KCNH8: variants seen among roughly 807,000 people sequenced by gnomAD.
KCNH8 encodes potassium voltage-gated channel subfamily H member 8.
Under a neutral mutation model 103.6 loss-of-function variants are expected in KCNH8, and 70 were observed. The observed-to-expected ratio is 0.68, with a 90% CI of 0.56 to 0.82. The LOEUF (loss-of-function observed/expected upper bound fraction) is 0.82. KCNH8 is among the 40% of genes least tolerant of loss of function. The pLI is 0.00. For missense variants in KCNH8, 1,217 were observed against 1,329.9 expected, an observed-to-expected ratio of 0.92 and a Z score of 1.32; for synonymous variants, 498 against 489.4, an observed-to-expected ratio of 1.02 and a Z score of -0.23.
intron 7 of KCNH8, among the ~76,000 whole-genome samples, chr3:19,416,997 C>A (rs1051736003): frequency 6.6e-6 from 1 of 151,880 alleles, no homozygotes; most frequent in Non-Finnish European, 1.5e-5. Context: ...GCCTTGCAAC[C>A]GCATGAAACT....
chr3:19,264,940 G>A (rs2064487145), intron 2 of KCNH8, among the ~76,000 whole-genome samples: 1 of 152,070 alleles, frequency 6.6e-6, no homozygotes. Context: ...ACTAAGTCAT[G>A]CTCATGCACC....
At chr3:19,512,877 T>A in intron 12 of KCNH8, 93 bp from the exon 13 acceptor site, 1 of 1,108,918 alleles carries the variant, frequency 9.0e-7, no homozygotes, top group Non-Finnish European at 1.3e-6. Context: ...TCTAAGAGAT[T>A]TGACTTTGTT....
rs1257165199 is a variant in KCNH8 at position 19,450,135 on chromosome 3, G to A, written c.1405G>A (p.Val469Met). ...GATGCACGCCTTGGTGTTTGGAAAC[G>A]TGACAGCAATCATACAGAGGATGTA... is the stretch of plus-strand genomic sequence containing the variant. Reference protein sequence around the residue: ...ALMHALVFGNVTAIIQRMYSR... With the variant: ...ALMHALVFGNMTAIIQRMYSR... Residue 469 changes from valine (V) to methionine (M), a missense_variant, in exon 9 of 16, where the codon GTG becomes ATG. This residue lies in a region of KCNH8 where 415 missense variants were observed against 577.4 expected (regional missense o/e 0.72). Transcript: ENST00000328405. 10 of 1,613,396 alleles carry A rather than the reference G, an allele frequency of 6.2e-6. No homozygotes were observed. Among genetic ancestry groups the A allele is most frequent in the Non-Finnish European group, 7.6e-6 (9 of 1,179,736 alleles).
chr3:19,298,921 C>CAAAA (rs56304109), intron 3 of KCNH8, among the ~76,000 whole-genome samples: 7 of 77,050 alleles, frequency 9.1e-5, no homozygotes, highest in Non-Finnish European at 1.2e-4. Context: ...GACTCCGTCT[C>CAAAA]AAAAAAAAAA....
chr3:19,314,630 G>A (rs563004236), intron 3 of KCNH8, among the ~76,000 whole-genome samples: 66 of 151,968 alleles, frequency 4.3e-4, no homozygotes, highest in African/African-American at 1.5e-3. Flanking sequence ...TAACTCACCC[G>A]CTGCAGCAGG....
At chr3:19,183,827 A>G (rs949547420) in intron 1 of KCNH8, among the ~76,000 whole-genome samples, 3 of 152,198 alleles carry the variant, frequency 2.0e-5, no homozygotes, top group African/African-American at 4.8e-5. Context: ...GTAAGTCAGC[A>G]TAAGAAAGAG....
chr3:19,309,720 A>C (rs887137822), intron 3 of KCNH8, among the ~76,000 whole-genome samples: 4 of 151,936 alleles, frequency 2.6e-5, no homozygotes, highest in Non-Finnish European at 5.9e-5. Flanking sequence ...TTTCAGAAGG[A>C]AAACATTTAG....
chr3:19,513,455 G>C, intron 13 of KCNH8, 130 bp downstream of exon 13: 1 of 1,306,590 alleles, frequency 7.7e-7, no homozygotes, highest in Non-Finnish European at 1.0e-6. Context: ...GCTTTTCTGA[G>C]TTTTGTGGGC....
At chr3:19,243,784 A>G (rs2064171643) in intron 1 of KCNH8, among the ~76,000 whole-genome samples, 1 of 152,178 alleles carries the variant, frequency 6.6e-6, no homozygotes, top group South Asian at 2.1e-4. Flanking sequence ...CTTGAAGTAA[A>G]AAGGCTGTTC....
At chr3:19,500,308 G>C (rs2068550126) in intron 11 of KCNH8, among the ~76,000 whole-genome samples, 1 of 152,126 alleles carries the variant, frequency 6.6e-6, no homozygotes. Context: ...GACCTACAAA[G>C]AGACTTAGAC....
At chr3:19,339,259 T>A (rs2065625998) in intron 3 of KCNH8, among the ~76,000 whole-genome samples, 1 of 152,120 alleles carries the variant, frequency 6.6e-6, no homozygotes, top group Non-Finnish European at 1.5e-5. Flanking sequence ...GATATCTCAC[T>A]GAGAAGGGAA....
rs146286333 is a variant in KCNH8, at chr3:19,327,508, T to C, written c.443-15079T>C. Among the ~76,000 whole-genome samples, 134 of 152,308 alleles carry C rather than the reference T, an allele frequency of 8.8e-4. 1 individual carries two copies. The highest frequency in any genetic ancestry group is 3.1e-3 in the African/African-American group (130 of 41,584). ...TTTCACCATGTTGGCTGGTCTGGTC[T>C]TGAACTCCTGACCTCAAGCAGTCTG... On this transcript the variant is annotated intron_variant, in intron 3 of 15. Transcript: ENST00000328405.
chr3:19,290,370 T>C (rs1036226853), intron 3 of KCNH8, among the ~76,000 whole-genome samples: 1 of 152,192 alleles, frequency 6.6e-6, no homozygotes, highest in Non-Finnish European at 1.5e-5. Context: ...CAGTGTGATA[T>C]TGGCTGTGGG....
intron 11 of KCNH8, among the ~76,000 whole-genome samples, chr3:19,502,863 A>T (rs1304999900): frequency 2.6e-5 from 4 of 151,680 alleles, no homozygotes; most frequent in South Asian, 2.1e-4. Context: ...GGACATAGGC[A>T]TGGGCAAGGA....
At chr3:19,190,127 A>G (rs929804024) in intron 1 of KCNH8, among the ~76,000 whole-genome samples, 2 of 152,024 alleles carry the variant, frequency 1.3e-5, no homozygotes, top group Non-Finnish European at 2.9e-5. Flanking sequence ...TGTAAAGTCC[A>G]GTAGTTAAGT....
At chr3:19,213,420 G>A (rs1274066392) in intron 1 of KCNH8, among the ~76,000 whole-genome samples, 1 of 151,900 alleles carries the variant, frequency 6.6e-6, no homozygotes, top group African/African-American at 2.4e-5. Flanking sequence ...TTTTGAACTC[G>A]AGGCCCATGT....
At chr3:19,235,861 T>C (rs140268200) in intron 1 of KCNH8, among the ~76,000 whole-genome samples, 1,622 of 152,274 alleles carry the variant, frequency 0.011, 16 homozygotes, top group Non-Finnish European at 0.017. Flanking sequence ...AAAATTGAAA[T>C]CAGGAAAACT....
intron 11 of KCNH8, among the ~76,000 whole-genome samples, chr3:19,468,003 C>G (rs2067778450): frequency 6.6e-6 from 1 of 152,044 alleles, no homozygotes; most frequent in African/African-American, 2.4e-5. Flanking sequence ...TGCATTTGAT[C>G]TTCTTTCTTC....
chr3:19,148,647 C>G lies in KCNH8; in HGVS notation c.-73C>G. Reference sequence around the variant, plus strand: ...TGCCGTCATCAGGTTCCCCTTCTCCCTTCTTGGCACTTTCCTTTCGAACCA... The same window carrying G: ...TGCCGTCATCAGGTTCCCCTTCTCCGTTCTTGGCACTTTCCTTTCGAACCA... On this transcript the variant is annotated 5_prime_UTR_variant, in exon 1 of 16. Coordinates refer to ENST00000328405, the MANE Select transcript of KCNH8 (RefSeq NM_144633.3). 1 of 1,471,426 alleles carries G rather than the reference C, an allele frequency of 6.8e-7. No homozygotes were observed. The highest frequency in any genetic ancestry group is 9.5e-7 in the Non-Finnish European group (1 of 1,049,218). 91.1% of individuals were successfully genotyped at this position (1,471,426 alleles called of 1,614,324 possible). A position where few individuals can be genotyped will look rare whatever the true frequency, so the allele number is the denominator to read the frequency against.
Sources: allele counts gnomAD v4.1 joint callset (sites outside exome capture counted in the v4.1 genomes callset), GRCh38; gene constraint gnomAD v4.1.1; regional missense constraint gnomAD v4.1.1; transcripts MANE v1.5; gene names NCBI Gene and HGNC (gene_info 2026-07-23, HGNC 2026-07-21).